ENPP2: variants seen among roughly 807,000 people sequenced by gnomAD.
The protein encoded by ENPP2 is ectonucleotide pyrophosphatase/phosphodiesterase 2, also known as autotaxin.
A neutral mutation model predicts 120.2 loss-of-function variants in ENPP2; 51 were observed. The ratio of observed to expected loss-of-function variants is 0.42; its 90% CI spans 0.34 to 0.54. The LOEUF (loss-of-function observed/expected upper bound fraction) is 0.54. Ranked by LOEUF, ENPP2 falls within the 20% of genes least tolerant of loss-of-function variation. The pLI, the probability that ENPP2 is intolerant of heterozygous loss-of-function variation, is 0.04. For missense variants in ENPP2, 920 were observed against 1,066.5 expected (o/e 0.86, Z 1.91); for synonymous variants, 365 against 366.4 (o/e 1.00, Z 0.04).
chr8:119,568,294 A>C, intron 21 of ENPP2, 42 bp from the exon 22 acceptor site: 1 of 1,084,490 alleles, frequency 9.2e-7, no homozygotes, highest in Non-Finnish European at 1.4e-6. Context: ...GCTTACCAAA[A>C]TCTATATCAG....
At chr8:119,616,471 G>A in intron 7 of ENPP2, 87 bp from the exon 8 acceptor site, 1 of 992,524 alleles carries the variant, frequency 1.0e-6, no homozygotes, top group Non-Finnish European at 1.5e-6. Flanking sequence ...TAGCATAGAA[G>A]GTTTTATAGC....
intron 1 of ENPP2, among the ~76,000 whole-genome samples, chr8:119,658,011 T>C (rs530194804): frequency 6.6e-6 from 1 of 152,342 alleles, no homozygotes; most frequent in Non-Finnish European, 1.5e-5. Flanking sequence ...TTGTTGCTGT[T>C]CAAGTTCCTT....
rs1254068820 is a variant in ENPP2 at position 119,601,387 on chromosome 8, AAAT to A, written c.899+7_899+9del. ...TGTACTGAAGAAAGAAGAAAGAGAGAAATAAATACCTCTCATGATCTGGCAGGG... is the reference window on the plus strand; with the variant it reads ...TGTACTGAAGAAAGAAGAAAGAGAGAAAATACCTCTCATGATCTGGCAGGG... On this transcript the variant is annotated splice_region_variant and intron_variant, in intron 10 of 24. Transcript: ENST00000075322. 2 of 1,554,202 alleles carry A rather than the reference AAAT, an allele frequency of 1.3e-6. No homozygotes were observed. The highest frequency in any genetic ancestry group is 2.7e-5 in the African/African-American group (2 of 73,794).
In ENPP2 at chr8:119,570,798, A is replaced by T. The variant is rs1281442930; in HGVS notation, c.1824T>A (p.Thr608=). ...CAGTGTGATATAAGATATCATATCT[A>T]GTCCGATAAAGCACTGCAGGTCGCC... The part of the protein sequence containing the change: ...LYGRPAVLYR[T]RYDILYHTDF... The change falls in exon 20 of 25, where the codon ACT becomes ACA. Residue 608 remains threonine, a synonymous_variant. Transcript: ENST00000075322. 1.9e-6 allele frequency: 3 copies of T among 1,586,336 alleles called. No homozygotes were observed. The highest frequency in any genetic ancestry group is 2.7e-5 in the African/African-American group (2 of 73,638).
chr8:119,604,338 T>C (rs1318780460), intron 9 of ENPP2, among the ~76,000 whole-genome samples: 1 of 152,076 alleles, frequency 6.6e-6, no homozygotes, highest in Non-Finnish European at 1.5e-5. Flanking sequence ...TCTAATCTCT[T>C]AAATGAGGAG....
intron 12 of ENPP2, among the ~76,000 whole-genome samples, chr8:119,592,473 C>CAAAA (rs61330053): frequency 1.5e-3 from 81 of 54,838 alleles, no homozygotes; most frequent in African/African-American, 4.5e-3. Flanking sequence ...AACTCCACCT[C>CAAAA]AAAAAAAAAA....
In ENPP2 at chr8:119,593,770, T is replaced by C; in HGVS notation, c.1063A>G (p.Ile355Val). 1 of 1,608,186 alleles carries C rather than the reference T, an allele frequency of 6.2e-7. No individual in the cohort carries two copies. ...QLKLHRCVNV[I>V]FVGDHGMEDV... ...GCTTTACCATGGTCTCCGACAAAGA[T>C]GACGTTGACACACCGATGCAGTTTT... Residue 355 changes from isoleucine to valine, a missense_variant, in exon 12 of 25, where the codon ATC becomes GTC. By Grantham distance (29) the Ile-to-Val change is conservative. Coordinates refer to ENST00000075322, the MANE Select transcript of ENPP2 (RefSeq NM_001040092.3).
At chr8:119,631,426 C>T (rs1438528028) in intron 2 of ENPP2, among the ~76,000 whole-genome samples, 1 of 151,628 alleles carries the variant, frequency 6.6e-6, no homozygotes, top group Non-Finnish European at 1.5e-5. Context: ...CCGTGTTAGC[C>T]AGGATGGTCT....
At chr8:119,561,991 G>T (rs1813993427) in intron 24 of ENPP2, among the ~76,000 whole-genome samples, 1 of 152,062 alleles carries the variant, frequency 6.6e-6, no homozygotes, top group African/African-American at 2.4e-5. Flanking sequence ...ACAAAAATTA[G>T]CTGTGCGTGG....
chr8:119,624,320 C>T (rs900751939), intron 3 of ENPP2, among the ~76,000 whole-genome samples: 1 of 151,918 alleles, frequency 6.6e-6, no homozygotes, highest in Non-Finnish European at 1.5e-5. Flanking sequence ...AAATATTTAA[C>T]CTTATTGGAA....
intron 11 of ENPP2, among the ~76,000 whole-genome samples, chr8:119,598,578 C>T (rs527664675): frequency 9.2e-5 from 14 of 152,266 alleles, no homozygotes; most frequent in African/African-American, 3.1e-4. Context: ...TACTTTCATG[C>T]ATTTAATTGT....
rs187870139 is a variant in ENPP2 at position 119,557,536 on chromosome 8, A to G, written c.2577T>C (p.Tyr859=). The change falls in exon 25 of 25, where the codon TAT becomes TAC. Residue 859 remains tyrosine, a synonymous_variant. Coordinates refer to ENST00000075322, the MANE Select transcript of ENPP2 (RefSeq NM_001040092.3). The part of the protein sequence containing the change: ...ILTLKTYLHT[Y]ESEI Reference sequence around the variant, plus strand: ...GCTCAGAAAGTTAAATCTCGCTCTCATATGTATGCAGGTATGTCTTGAGTG... The same window carrying G: ...GCTCAGAAAGTTAAATCTCGCTCTCGTATGTATGCAGGTATGTCTTGAGTG... The G allele has an allele frequency of 7.4e-6, 12 of 1,612,908 alleles. No individual in the cohort carries two copies. The highest frequency in any genetic ancestry group is 1.7e-5 in the Admixed American group (1 of 59,948).
At chr8:119,587,833 G>T (rs1813219991) in intron 13 of ENPP2, among the ~76,000 whole-genome samples, 1 of 152,172 alleles carries the variant, frequency 6.6e-6, no homozygotes, top group Admixed American at 6.5e-5. Context: ...CAGGAAGTTT[G>T]CTTCAGTATG....
At chr8:119,580,468 T>C in intron 18 of ENPP2, 1 of 341,022 alleles carries the variant, frequency 2.9e-6, no homozygotes, top group South Asian at 5.2e-5. Context: ...TGGGCATATA[T>C]GTGTAAGTAA....
intron 19 of ENPP2, chr8:119,571,051 A>G: frequency 2.7e-6 from 1 of 369,784 alleles, no homozygotes; most frequent in Non-Finnish European, 4.8e-6. Flanking sequence ...ACAGTTATCA[A>G]AACCATAATG....
intron 5 of ENPP2, among the ~76,000 whole-genome samples, chr8:119,618,673 G>A (rs971945777): frequency 9.9e-5 from 15 of 151,740 alleles, no homozygotes; most frequent in East Asian, 1.9e-4. Flanking sequence ...CCAAGTAGCT[G>A]GGATTACAAG....
chr8:119,602,912 C>T (rs370810847), intron 9 of ENPP2, among the ~76,000 whole-genome samples: 2 of 152,122 alleles, frequency 1.3e-5, no homozygotes, highest in South Asian at 2.1e-4. Flanking sequence ...ATCCTCAAGC[C>T]GGGGCTCTCA....
At chr8:119,592,516 T>C (rs1813591602) in intron 12 of ENPP2, among the ~76,000 whole-genome samples, 1 of 149,554 alleles carries the variant, frequency 6.7e-6, no homozygotes, top group Non-Finnish European at 1.5e-5. Flanking sequence ...AGAAGTGCTG[T>C]AGTTGTCCCA....
chr8:119,627,131 T>C (rs1358031389), intron 2 of ENPP2, among the ~76,000 whole-genome samples: 1 of 152,112 alleles, frequency 6.6e-6, no homozygotes, highest in Non-Finnish European at 1.5e-5. Flanking sequence ...TCTATATCCT[T>C]AGAAACAAGA....
Sources: gnomAD v4.1 joint callset for allele counts (sites outside exome capture counted in the v4.1 genomes callset) on GRCh38, gnomAD v4.1.1 for gene constraint, MANE v1.5 for transcripts, NCBI Gene and HGNC (gene_info 2026-07-23, HGNC 2026-07-21) for gene names.